Variants in UBE2Q1 observed in about 807,000 individuals in gnomAD.
UBE2Q1 encodes ubiquitin conjugating enzyme E2 Q1.
UBE2Q1 carries 6 observed loss-of-function variants against 60.1 expected under a neutral mutation model. The ratio of observed to expected loss-of-function variants is 0.10; its 90% CI spans 0.05 to 0.20. UBE2Q1 has a LOEUF of 0.20. UBE2Q1 is among the 10% of genes least tolerant of loss of function. The pLI is 1.00. For missense variants in UBE2Q1, 262 were observed against 525.8 expected, an observed-to-expected ratio of 0.50 and a Z score of 4.91; for synonymous variants, 226 against 208.3, an observed-to-expected ratio of 1.09 and a Z score of -0.73.
In UBE2Q1 at chr1:154,555,853, C is replaced by A. The variant is rs1313911427; in HGVS notation, c.432+7G>T. The A allele has an allele frequency of 6.2e-7, 1 of 1,613,372 alleles. No homozygotes were observed. Among genetic ancestry groups the A allele is most frequent in the African/African-American group, 1.3e-5 (1 of 74,890 alleles). ...CAAAATGTACCCCTACCCTGTGGCCCCCTCACCAGAGTATTCCCTTTCTTT... is the reference window on the plus strand; with the variant it reads ...CAAAATGTACCCCTACCCTGTGGCCACCTCACCAGAGTATTCCCTTTCTTT... On this transcript the variant is annotated splice_region_variant and intron_variant, in intron 2 of 12. Coordinates refer to ENST00000292211, the MANE Select transcript of UBE2Q1 (RefSeq NM_017582.7).
chr1:154,549,311 A>C lies in UBE2Q1; in HGVS notation c.*1127T>G, dbSNP rs1407621823. On this transcript the variant is annotated 3_prime_UTR_variant, in exon 13 of 13. Coordinates refer to ENST00000292211, the MANE Select transcript of UBE2Q1 (RefSeq NM_017582.7). The stretch of plus-strand genomic sequence containing the variant: ...GGGTAAGGACACAGGTGTATAGAAC[A>C]ACCCCCCTTAAAATGCTAACCCTTT... 6.6e-6 allele frequency: 1 copy of C among 152,244 alleles called. No homozygotes were observed. The highest frequency in any genetic ancestry group is 1.5e-5 in the Non-Finnish European group (1 of 68,052). 9.4% of individuals were successfully genotyped at this position (152,244 alleles called of 1,614,324 possible).
rs1557845153 is a variant in UBE2Q1 at position 154,553,185 on chromosome 1, T to C, written c.589-13A>G. The C allele has an allele frequency of 1.9e-6, 3 of 1,608,022 alleles. No individual in the cohort carries two copies. The highest frequency in any genetic ancestry group is 2.7e-5 in the African/African-American group (2 of 74,424). On this transcript the variant is annotated splice_polypyrimidine_tract_variant and intron_variant, in intron 4 of 12. Transcript: ENST00000292211. Reference sequence around the variant, plus strand: ...AGTCTTCTGTGTCCTGGAGGAGGTGTGGGGTGGGAGTGAAAAGAAAAGGAA... The same window carrying C: ...AGTCTTCTGTGTCCTGGAGGAGGTGCGGGGTGGGAGTGAAAAGAAAAGGAA...
chr1:154,558,327 G>A lies in UBE2Q1; in HGVS notation c.227C>T (p.Ala76Val). The change falls in exon 1 of 13, where the codon GCT becomes GTT. Residue 76 changes from alanine to valine, a missense_variant. By Grantham distance (64) the Ala-to-Val change is moderately conservative. Coordinates refer to ENST00000292211, the MANE Select transcript of UBE2Q1 (RefSeq NM_017582.7). ...CCCCGCCCCGGCCCCTCCGGCCCCA[G>A]CCAGCAGGAACTCGCAGCTCAGCTC... ...LDELSCEFLL[A>V]GAGGAGAGAA... 3.8e-6 allele frequency: 6 copies of A among 1,579,018 alleles called. No individual in the cohort carries two copies. Among genetic ancestry groups the A allele is most frequent in the Non-Finnish European group, 5.1e-6 (6 of 1,165,968 alleles).
In UBE2Q1 at chr1:154,558,362, G is replaced by A. The variant is rs763998607; in HGVS notation, c.192C>T (p.Ala64=). 12 of 1,555,112 alleles carry A rather than the reference G, an allele frequency of 7.7e-6. No individual in the cohort carries two copies. The highest frequency in any genetic ancestry group is 1.0e-5 in the Non-Finnish European group (12 of 1,152,962). ...RGHERFRIAS[A]CLDELSCEFL... is the part of the protein sequence containing the mutation. ...ACTCGCAGCTCAGCTCGTCCAGGCAGGCGCTGGCAATGCGGAAGCGCTCGT... is the reference window on the plus strand; with the variant it reads ...ACTCGCAGCTCAGCTCGTCCAGGCAAGCGCTGGCAATGCGGAAGCGCTCGT... The change falls in exon 1 of 13, where the codon GCC becomes GCT. Residue 64 remains alanine, a synonymous_variant. Coordinates refer to ENST00000292211, the MANE Select transcript of UBE2Q1 (RefSeq NM_017582.7).
At chr1:154,558,067 T>G (rs886104735) in intron 1 of UBE2Q1, among the ~76,000 whole-genome samples, 160 bp downstream of exon 1, 6 of 151,842 alleles carry the variant, frequency 4.0e-5, no homozygotes, top group African/African-American at 1.5e-4. Context: ...GTGCACTGCA[T>G]AACCTCAAGC....
At chr1:154,554,354 C>T (rs1163027862) in intron 4 of UBE2Q1, among the ~76,000 whole-genome samples, 1 of 152,176 alleles carries the variant, frequency 6.6e-6, no homozygotes, top group East Asian at 1.9e-4. Flanking sequence ...ATATATAACA[C>T]CTCATTTAAT....
rs946724362 is a variant in UBE2Q1 at position 154,551,022 on chromosome 1, C to T, written c.1171-18G>A. On this transcript the variant is annotated intron_variant, in intron 11 of 12. Transcript: ENST00000292211. Reference sequence around the variant, plus strand: ...TATTGAGACTGGGGAGAGGAAGCCACCAGATCAGGCCATGGCTAGCTGTGG... The same window carrying T: ...TATTGAGACTGGGGAGAGGAAGCCATCAGATCAGGCCATGGCTAGCTGTGG... The T allele has an allele frequency of 6.2e-7, 1 of 1,613,876 alleles. No individual in the cohort carries two copies. The highest frequency in any genetic ancestry group is 1.1e-5 in the South Asian group (1 of 91,062).
chr1:154,554,352 C>T lies in UBE2Q1; in HGVS notation c.588+383G>A, dbSNP rs149285592. ...ATCATCTGAAGCATTTTATATATAA[C>T]ACCTCATTTAATCTCAAGACAACCA... is the stretch of plus-strand genomic sequence containing the variant. On this transcript the variant is annotated intron_variant, in intron 4 of 12. Coordinates refer to ENST00000292211, the MANE Select transcript of UBE2Q1 (RefSeq NM_017582.7). 3.3e-5 allele frequency among the ~76,000 whole-genome samples: 5 copies of T among 152,304 alleles called. No individual in the cohort carries two copies. The East Asian group carries it at 9.6e-4, about 29-fold the overall frequency.
intron 2 of UBE2Q1, 25 bp downstream of exon 2, chr1:154,555,835 T>A (rs1400971774): frequency 1.9e-6 from 3 of 1,605,580 alleles, no homozygotes; most frequent in Non-Finnish European, 2.6e-6. Context: ...GAACAAAATG[T>A]ACCCCTACCC....
intron 10 of UBE2Q1, 84 bp downstream of exon 10, chr1:154,551,687 C>T: frequency 6.3e-7 from 1 of 1,578,508 alleles, no homozygotes; most frequent in Non-Finnish European, 8.7e-7. Context: ...TCATGTCTAT[C>T]ACCCAGCCCG....
chr1:154,550,248 G>T lies in UBE2Q1; in HGVS notation c.*190C>A. ...GTCTGTAAGTCAGTCTTGAGTACTT[G>T]AAACAGTTCTGTGTTTGTTTTTTTT... On this transcript the variant is annotated 3_prime_UTR_variant, in exon 13 of 13. Coordinates refer to ENST00000292211, the MANE Select transcript of UBE2Q1 (RefSeq NM_017582.7). 1 of 799,986 alleles carries T rather than the reference G, an allele frequency of 1.3e-6. No homozygotes were observed. Among genetic ancestry groups the T allele is most frequent in the Non-Finnish European group, 2.0e-6 (1 of 493,314 alleles). 49.6% of individuals were successfully genotyped at this position (799,986 alleles called of 1,614,324 possible).
intron 3 of UBE2Q1, 86 bp downstream of exon 3, chr1:154,555,342 G>A: frequency 8.6e-7 from 1 of 1,163,886 alleles, no homozygotes; most frequent in Admixed American, 1.7e-5. Flanking sequence ...GGGATGGAGA[G>A]AAACTACTGA....
In UBE2Q1 at chr1:154,551,701, G is replaced by A. The variant is rs567527929; in HGVS notation, c.1074+70C>T. On this transcript the variant is annotated intron_variant, in intron 10 of 12. Coordinates refer to ENST00000292211, the MANE Select transcript of UBE2Q1 (RefSeq NM_017582.7). ...ATCATGTCTATCACCCAGCCCGTAG[G>A]GGTGTGTGCTGTAAAGCTCAGACAA... 1.9e-6 allele frequency: 3 copies of A among 1,594,950 alleles called. No homozygotes were observed. The Admixed American group carries it at 5.0e-5, about 27-fold the overall frequency.
chr1:154,554,574 G>A (rs1695849920), intron 4 of UBE2Q1, 161 bp downstream of exon 4: 2 of 694,202 alleles, frequency 2.9e-6, no homozygotes, highest in Non-Finnish European at 4.7e-6. Flanking sequence ...TGGGTGCCCT[G>A]TCTCCTCTAC....
chr1:154,555,076 C>A (rs1695859474), intron 3 of UBE2Q1: 3 of 523,180 alleles, frequency 5.7e-6, no homozygotes, highest in Non-Finnish European at 6.8e-6. Flanking sequence ...CCCTCCTTTA[C>A]TTGATCTTCT....
intron 10 of UBE2Q1, 43 bp downstream of exon 10, chr1:154,551,728 C>T (rs1379224714): frequency 6.2e-7 from 1 of 1,613,770 alleles, no homozygotes; most frequent in African/African-American, 1.3e-5. Flanking sequence ...CTCAGACAAT[C>T]CCCGCCCAGG....
chr1:154,555,133 C>T (rs1385425912), intron 3 of UBE2Q1: 9 of 549,958 alleles, frequency 1.6e-5, no homozygotes, highest in Non-Finnish European at 2.6e-5. Flanking sequence ...GCCTGGGTCC[C>T]CAGTGGCCAC....
At position 154,550,072 on chromosome 1, in the gene UBE2Q1, A is replaced by G. The variant is rs1695768416; in HGVS notation, c.*366T>C. On this transcript the variant is annotated 3_prime_UTR_variant, in exon 13 of 13. Transcript: ENST00000292211. ...ACTGTAACCAAAAAAAGCAGTGTAC[A>G]TGAAATAAGAGAAAATAAATTAAAA... 1 of 212,716 alleles carries G rather than the reference A, an allele frequency of 4.7e-6. No homozygotes were observed. Among genetic ancestry groups the G allele is most frequent in the Admixed American group, 5.6e-5 (1 of 17,912 alleles). 13.2% of individuals were successfully genotyped at this position (212,716 alleles called of 1,614,324 possible).
rs1407028903 is a variant in UBE2Q1, at chr1:154,558,213, G to C, written c.327+14C>G. 1.3e-6 allele frequency: 2 copies of C among 1,510,110 alleles called. No individual in the cohort carries two copies. Among genetic ancestry groups the C allele is most frequent in the Admixed American group, 2.2e-5 (1 of 45,770 alleles). 93.5% of individuals were successfully genotyped at this position (1,510,110 alleles called of 1,614,324 possible). On this transcript the variant is annotated intron_variant, in intron 1 of 12. Coordinates refer to ENST00000292211, the MANE Select transcript of UBE2Q1 (RefSeq NM_017582.7). ...AAGGGGCCCCCACAGAGGCGCACGCGAGGGGGTCCTCACCGTGATGTTGCA... is the reference window on the plus strand; with the variant it reads ...AAGGGGCCCCCACAGAGGCGCACGCCAGGGGGTCCTCACCGTGATGTTGCA...
Sources: allele counts gnomAD v4.1 joint callset (sites outside exome capture counted in the v4.1 genomes callset), GRCh38; gene constraint gnomAD v4.1.1; transcripts MANE v1.5; gene names NCBI Gene and HGNC (gene_info 2026-07-23, HGNC 2026-07-21).